KAZN: variants seen among roughly 807,000 people sequenced by gnomAD.
KAZN encodes the protein kazrin.
A neutral mutation model predicts 87.4 loss-of-function variants in KAZN; 40 were observed. The observed-to-expected ratio is 0.46, with a 90% CI of 0.36 to 0.60. KAZN has a LOEUF of 0.60. KAZN is among the 20% of genes least tolerant of loss of function. The pLI is 0.00. For synonymous variants in KAZN, 466 were observed against 458.3 expected (o/e 1.02, Z -0.22); for missense variants, 898 against 1,073.9 (o/e 0.84, Z 2.29).
At chr1:14,051,380 G>A (rs1397355049) in intron 1 of KAZN, among the ~76,000 whole-genome samples, 2 of 152,048 alleles carry the variant, frequency 1.3e-5, no homozygotes, top group African/African-American at 4.8e-5. Context: ...CCAAAGCTTG[G>A]TGAGGAGGGA....
intron 2 of KAZN, among the ~76,000 whole-genome samples, chr1:14,357,865 G>A (rs1193070742): frequency 6.6e-6 from 1 of 152,186 alleles, no homozygotes; most frequent in Non-Finnish European, 1.5e-5. Flanking sequence ...GTTCACCAGG[G>A]ATATTAGCCT....
chr1:14,962,627 G>A (rs946868044), intron 2 of KAZN, among the ~76,000 whole-genome samples: 3 of 152,168 alleles, frequency 2.0e-5, no homozygotes, highest in African/African-American at 7.2e-5. Context: ...AGCTGTTGTC[G>A]TTTGGTCTTG....
intron 1 of KAZN, among the ~76,000 whole-genome samples, chr1:14,911,694 C>T (rs1167882460): frequency 6.6e-6 from 1 of 152,134 alleles, no homozygotes; most frequent in Non-Finnish European, 1.5e-5. Context: ...CAGGATGGCT[C>T]AGTGGGCAAG....
intron 2 of KAZN, among the ~76,000 whole-genome samples, chr1:15,000,708 C>T (rs1050916095): frequency 1.3e-5 from 2 of 151,902 alleles, no homozygotes; most frequent in Non-Finnish European, 2.9e-5. Flanking sequence ...ATTACTCAGC[C>T]GTGTATATTG....
intron 2 of KAZN, among the ~76,000 whole-genome samples, chr1:14,332,501 C>A (rs559242725): frequency 2.6e-5 from 4 of 152,202 alleles, no homozygotes; most frequent in Non-Finnish European, 4.4e-5. Flanking sequence ...CCTGACTGTG[C>A]TCCACATGGT....
chr1:14,009,131 G>A (rs1239034591), intron 1 of KAZN, among the ~76,000 whole-genome samples: 1 of 152,170 alleles, frequency 6.6e-6, no homozygotes, highest in African/African-American at 2.4e-5. Flanking sequence ...GTTGTACCAT[G>A]TGTCAGAATT....
intron 1 of KAZN, among the ~76,000 whole-genome samples, chr1:13,977,327 A>G (rs1035469147): frequency 6.6e-6 from 1 of 152,108 alleles, no homozygotes; most frequent in Non-Finnish European, 1.5e-5. Flanking sequence ...ATCCCCTATG[A>G]CTCAGTTTCT....
At chr1:14,542,170 A>C (rs1484327953) in intron 2 of KAZN, among the ~76,000 whole-genome samples, 1 of 152,094 alleles carries the variant, frequency 6.6e-6, no homozygotes, top group Non-Finnish European at 1.5e-5. Context: ...GAAGTCCACC[A>C]AAAAGAACTA....
intron 2 of KAZN, among the ~76,000 whole-genome samples, chr1:14,301,893 G>A (rs192598349): frequency 8.9e-4 from 136 of 152,046 alleles, no homozygotes; most frequent in African/African-American, 2.9e-3. Context: ...CCCCTGCATC[G>A]CTTCCTTCCT....
intron 1 of KAZN, among the ~76,000 whole-genome samples, chr1:13,897,046 C>A (rs1639070924): frequency 4.6e-5 from 7 of 152,328 alleles, no homozygotes; most frequent in Admixed American, 4.6e-4. Context: ...TTGGCTGTTG[C>A]TGGCTGTGTG....
At chr1:14,452,584 C>T (rs1667336119) in intron 2 of KAZN, among the ~76,000 whole-genome samples, 2 of 152,138 alleles carry the variant, frequency 1.3e-5, no homozygotes, top group Non-Finnish European at 2.9e-5. Context: ...GGCCATTTGG[C>T]TGAGGCAGGA....
chr1:14,372,074 G>A (rs1261398319), intron 2 of KAZN, among the ~76,000 whole-genome samples: 1 of 152,176 alleles, frequency 6.6e-6, no homozygotes, highest in Non-Finnish European at 1.5e-5. Context: ...TGGTAGATCT[G>A]AACAGACTGA....
At chr1:15,032,115 C>T (rs1671772965) in intron 2 of KAZN, among the ~76,000 whole-genome samples, 2 of 151,810 alleles carry the variant, frequency 1.3e-5, no homozygotes, top group Admixed American at 6.6e-5. Flanking sequence ...TCCACCCCCA[C>T]ACCCAGCCCG....
intron 1 of KAZN, among the ~76,000 whole-genome samples, chr1:14,171,775 T>C (rs1645959218): frequency 1.3e-5 from 2 of 152,188 alleles, no homozygotes; most frequent in South Asian, 4.1e-4. Context: ...ATAGCCCATC[T>C]CAGTGACATC....
At chr1:14,255,601 C>T (rs1289885114) in intron 2 of KAZN, among the ~76,000 whole-genome samples, 4 of 152,180 alleles carry the variant, frequency 2.6e-5, no homozygotes, top group Admixed American at 2.6e-4. Flanking sequence ...ATCTACTGGT[C>T]TATGTCATAG....
intron 1 of KAZN, among the ~76,000 whole-genome samples, chr1:14,911,390 T>A (rs1657229724): frequency 6.6e-6 from 1 of 152,222 alleles, no homozygotes; most frequent in South Asian, 2.1e-4. Context: ...CTGTTGGCAG[T>A]CCAGGGCCCC....
At chr1:14,938,672 G>T (rs1660728691) in intron 1 of KAZN, among the ~76,000 whole-genome samples, 1 of 152,134 alleles carries the variant, frequency 6.6e-6, no homozygotes, top group South Asian at 2.1e-4. Flanking sequence ...TTCCTGGGGA[G>T]AAATTTTTGC....
At chr1:15,006,950 G>A (rs1380706086) in intron 2 of KAZN, among the ~76,000 whole-genome samples, 23 of 151,904 alleles carry the variant, frequency 1.5e-4, no homozygotes, top group African/African-American at 5.3e-4. Flanking sequence ...CCAGCTACTC[G>A]GGAGGCTGAG....
chr1:14,925,792 G>C, intron 1 of KAZN, among the ~76,000 whole-genome samples: 1 of 152,182 alleles, frequency 6.6e-6, no homozygotes, highest in South Asian at 2.1e-4. Flanking sequence ...TGCCGCCTCT[G>C]GGTGTCAGGG....
Sources: gnomAD v4.1 joint callset for allele counts (sites outside exome capture counted in the v4.1 genomes callset) on GRCh38, gnomAD v4.1.1 for gene constraint, MANE v1.5 for transcripts, NCBI Gene and HGNC (gene_info 2026-07-23, HGNC 2026-07-21) for gene names.